The following SLC14A1 variants were observed in gnomAD, a reference collection of about 807,000 sequenced individuals.
SLC14A1 encodes the protein urea transporter 1.
In SLC14A1, 36 loss-of-function variants were observed where a neutral mutation model predicts 39.6. The observed-to-expected ratio is 0.91, with a 90% CI of 0.70 to 1.20. SLC14A1 has a LOEUF of 1.20. Among genes scored for constraint, SLC14A1 ranks in the 50% most tolerant of loss-of-function variants. SLC14A1 has a pLI of 0.00. For synonymous variants in SLC14A1, 164 were observed against 173.6 expected (o/e 0.94, Z 0.43); for missense variants, 469 against 478.7 (o/e 0.98, Z 0.19).
intron 8 of SLC14A1, chr18:45,739,906 A>G: frequency 1.8e-6 from 1 of 556,452 alleles, no homozygotes; most frequent in Non-Finnish European, 3.2e-6. Flanking sequence ...ATCCTAAAAC[A>G]TGGATGTTTG....
intron 8 of SLC14A1, among the ~76,000 whole-genome samples, chr18:45,746,344 T>A (rs1393984152): frequency 6.6e-6 from 1 of 152,208 alleles, no homozygotes; most frequent in African/African-American, 2.4e-5. Context: ...ACTGTAAGGC[T>A]TTCCCGGTCC....
In SLC14A1 at chr18:45,734,374, C is replaced by G. The variant is rs563016158; in HGVS notation, c.442C>G (p.Leu148Val). Residue 148 changes from leucine to valine, a missense_variant, in exon 5 of 10, where the codon CTC becomes GTC. By Grantham distance (32) the Leu-to-Val change is conservative (BLOSUM62 1). Transcript: ENST00000321925. ...GGGAGACTATTTCTGGTGGCTGTTA[C>G]TCCCTGTATGTGCTATGTCCATGAC... The part of the protein sequence containing the change: ...DKGDYFWWLL[L>V]PVCAMSMTCP... 43 of 1,613,500 alleles carry G rather than the reference C, an allele frequency of 2.7e-5. No individual in the cohort carries two copies. The highest frequency in any genetic ancestry group is 3.6e-5 in the Non-Finnish European group (42 of 1,179,940).
chr18:45,726,723 G>C (rs987240147), intron 2 of SLC14A1: 1 of 152,502 alleles, frequency 6.6e-6, no homozygotes, highest in Non-Finnish European at 1.5e-5. Context: ...GGCAGCTTGT[G>C]AATGCTTACA....
intron 2 of SLC14A1, 29 bp from the exon 3 acceptor site, chr18:45,730,270 GA>G: frequency 1.3e-5 from 20 of 1,597,758 alleles, no homozygotes; most frequent in Non-Finnish European, 1.7e-5. Flanking sequence ...CTGCCTTAGG[GA>G]TACTTATAAG....
At chr18:45,740,705 ATTT>A (rs1013116981) in intron 8 of SLC14A1, among the ~76,000 whole-genome samples, 3 of 151,326 alleles carry the variant, frequency 2.0e-5, no homozygotes, top group African/African-American at 4.9e-5. Flanking sequence ...TGCCTGGTTA[ATTT>A]TTTATTTTTT....
At chr18:45,734,552 A>T (rs1202405862) in intron 5 of SLC14A1, 150 bp downstream of exon 5, 1 of 890,162 alleles carries the variant, frequency 1.1e-6, no homozygotes, top group Non-Finnish European at 1.8e-6. Context: ...CAACAATGTG[A>T]TTGTCCTTAA....
intron 4 of SLC14A1, among the ~76,000 whole-genome samples, chr18:45,732,387 G>A (rs571119823): frequency 6.6e-6 from 1 of 152,284 alleles, no homozygotes; most frequent in African/African-American, 2.4e-5. Flanking sequence ...CAGTTGTTGA[G>A]AGGACAAGTC....
chr18:45,736,596 T>G lies in SLC14A1; in HGVS notation c.611T>G (p.Ile204Arg). The G allele has an allele frequency of 1.2e-6, 2 of 1,614,194 alleles. No individual in the cohort carries two copies. The highest frequency in any genetic ancestry group is 1.7e-6 in the Non-Finnish European group (2 of 1,180,012). Residue 204 changes from isoleucine to arginine, a missense_variant, in exon 6 of 10, where the codon ATA becomes AGA. Physicochemically the swap from Ile to Arg is moderately conservative, Grantham distance 97. Transcript: ENST00000321925. ...CCATTCTTTCCAGCCAAACTGGTCA[T>G]ACCTATAACTACAGCTCCAAATATC... ...YNPFFPAKLV[I>R]PITTAPNISW...
chr18:45,751,613 T>TA lies in SLC14A1; in HGVS notation c.*1668dup. On this transcript the variant is annotated 3_prime_UTR_variant, in exon 10 of 10. Coordinates refer to ENST00000321925, the MANE Select transcript of SLC14A1 (RefSeq NM_015865.7). ...GGCAACATAGCAAGACTCCATCTCTTAAAAAATAAAAATAGTAACATTAGC... is the reference window on the plus strand; with the variant it reads ...GGCAACATAGCAAGACTCCATCTCTTAAAAAAATAAAAATAGTAACATTAGC... 1 of 648,438 alleles carries TA rather than the reference T, an allele frequency of 1.5e-6. No individual in the cohort carries two copies. The highest frequency in any genetic ancestry group is 1.9e-6 in the Non-Finnish European group (1 of 523,478). The allele number at this position is 648,438 out of a possible 1,614,324, so 40.2% of individuals were successfully genotyped here.
In SLC14A1 at chr18:45,741,020, G is replaced by A. The variant is rs1305533985; in HGVS notation, c.946+1358G>A. ...TCTTACTTTACTGTTGGGGTCCTGAGGCCAGAGAGGCTAAGGGATGTGCCG... is the reference window on the plus strand; with the variant it reads ...TCTTACTTTACTGTTGGGGTCCTGAAGCCAGAGAGGCTAAGGGATGTGCCG... On this transcript the variant is annotated intron_variant, in intron 8 of 9. Transcript: ENST00000321925. 1.3e-5 allele frequency: 2 copies of A among 152,428 alleles called. 1 individual carries two copies. Among genetic ancestry groups the A allele is most frequent in the East Asian group, 3.9e-4 (2 of 5,190 alleles). 9.4% of individuals were successfully genotyped at this position (152,428 alleles called of 1,614,324 possible). A position where few individuals can be genotyped will look rare whatever the true frequency, so the allele number is the denominator to read the frequency against.
intron 2 of SLC14A1, chr18:45,727,279 G>A: frequency 6.4e-7 from 1 of 1,551,696 alleles, no homozygotes; most frequent in Non-Finnish European, 8.7e-7. Flanking sequence ...AGGATGAATG[G>A]ACGGTCTTTG....
At chr18:45,732,811 TCA>T (rs1378614718) in intron 4 of SLC14A1, among the ~76,000 whole-genome samples, 1 of 152,136 alleles carries the variant, frequency 6.6e-6, no homozygotes, top group Non-Finnish European at 1.5e-5. Context: ...TTGCCAACTC[TCA>T]GAGCTGTGGG....
rs35942326 is a variant in SLC14A1 at position 45,749,899 on chromosome 18, A to G, written c.1118A>G (p.Asn373Ser). 6.2e-6 allele frequency: 10 copies of G among 1,614,096 alleles called. No individual in the cohort carries two copies. The Admixed American group carries it at 6.7e-5, about 11-fold the overall frequency. Reference protein sequence around the residue: ...PLSKVTYPEENRIFYLQAKKR... With the variant: ...PLSKVTYPEESRIFYLQAKKR... ...AGTAAAGTTACTTATCCTGAAGAAA[A>G]CCGCATCTTCTACCTGCAAGCCAAG... The change falls in exon 10 of 10, where the codon AAC becomes AGC. Residue 373 changes from asparagine (N) to serine (S), a missense_variant. Physicochemically the swap from Asn to Ser is conservative, Grantham distance 46. Transcript: ENST00000321925.
intron 8 of SLC14A1, among the ~76,000 whole-genome samples, chr18:45,740,387 C>T (rs536309157): frequency 2.1e-4 from 32 of 152,220 alleles, no homozygotes; most frequent in African/African-American, 7.7e-4. Flanking sequence ...GCTGGGCCCC[C>T]TCCTCAGTCT....
chr18:45,740,363 T>G (rs114742489), intron 8 of SLC14A1, among the ~76,000 whole-genome samples: 1 of 152,106 alleles, frequency 6.6e-6, no homozygotes, highest in East Asian at 1.9e-4. Context: ...GAAAGACTTG[T>G]TAAAACACAA....
Position 45,739,574 on chromosome 18 carries a change from G to A in SLC14A1, c.858G>A (p.Trp286Ter). ...TTGAGGACATCTACTTTGGACTCTG[G>A]GGTTTCAACAGCTCTCTGGCCTGCA... ...APFEDIYFGLWGFNSSLACIA... is the reference protein window; with the variant it reads ...APFEDIYFGL The change falls in exon 8 of 10, where the codon TGG becomes TGA. Residue 286 changes from tryptophan (W) to a stop codon, truncating the protein, a stop_gained. Coordinates refer to ENST00000321925, the MANE Select transcript of SLC14A1 (RefSeq NM_015865.7). LOFTEE classifies it high-confidence loss of function. 6.2e-7 allele frequency: 1 copy of A among 1,614,120 alleles called. No individual in the cohort carries two copies. Among genetic ancestry groups the A allele is most frequent in the South Asian group, 1.1e-5 (1 of 91,078 alleles).
chr18:45,731,373 T>C, intron 4 of SLC14A1, 169 bp downstream of exon 4: 3 of 701,650 alleles, frequency 4.3e-6, no homozygotes, highest in East Asian at 5.4e-5. Context: ...AGTTACAGTC[T>C]CTTGCTCTTG....
Position 45,750,502 on chromosome 18 carries a change from C to T in SLC14A1, c.*551C>T, listed in dbSNP as rs890503946. 1 of 1,021,862 alleles carries T rather than the reference C, an allele frequency of 9.8e-7. No homozygotes were observed. The highest frequency in any genetic ancestry group is 1.2e-6 in the Non-Finnish European group (1 of 852,166). The allele number at this position is 1,021,862 out of a possible 1,614,324, so 63.3% of individuals were successfully genotyped here. A position where few individuals can be genotyped will look rare whatever the true frequency, so the allele number is the denominator to read the frequency against. ...GAGCTCAGTCCCCACTTCCTGCAAACAATGGCCTGCACCCTATCCCTTGTG... is the reference window on the plus strand; with the variant it reads ...GAGCTCAGTCCCCACTTCCTGCAAATAATGGCCTGCACCCTATCCCTTGTG... On this transcript the variant is annotated 3_prime_UTR_variant, in exon 10 of 10. Transcript: ENST00000321925.
At chr18:45,728,136 G>C (rs1023449648) in intron 2 of SLC14A1, among the ~76,000 whole-genome samples, 4 of 152,148 alleles carry the variant, frequency 2.6e-5, no homozygotes, top group African/African-American at 4.8e-5. Context: ...TGTCGATTTG[G>C]AGAAAACTAG....
Sources: allele counts gnomAD v4.1 joint callset (sites outside exome capture counted in the v4.1 genomes callset), GRCh38; gene constraint gnomAD v4.1.1; transcripts MANE v1.5; gene names NCBI Gene and HGNC (gene_info 2026-07-23, HGNC 2026-07-21).